The following SETDB2 variants were observed in gnomAD, a reference collection of about 807,000 sequenced individuals.
The protein encoded by SETDB2 is histone-lysine N-methyltransferase SETDB2.
SETDB2 carries 56 observed loss-of-function variants against 82.5 expected under a neutral mutation model. That is an observed-to-expected ratio of 0.68 (90% CI 0.55 to 0.85). The LOEUF (loss-of-function observed/expected upper bound fraction) is 0.85, where lower values mean the gene tolerates loss of function less well. Ranked by LOEUF, SETDB2 falls within the 40% of genes least tolerant of loss-of-function variation. SETDB2 has a pLI of 0.00. For synonymous variants in SETDB2, 272 were observed against 284.9 expected (o/e 0.95, Z 0.46); for missense variants, 677 against 816.4 (o/e 0.83, Z 2.08).
chr13:49,487,256 A>T (rs1397107439), intron 11 of SETDB2, among the ~76,000 whole-genome samples: 1 of 152,192 alleles, frequency 6.6e-6, no homozygotes, highest in Non-Finnish European at 1.5e-5. Flanking sequence ...GCGCCATTGA[A>T]TTAGGTGGTC....
chr13:49,477,119 T>A, intron 6 of SETDB2, 80 bp downstream of exon 6: 1 of 1,293,442 alleles, frequency 7.7e-7, no homozygotes, highest in Non-Finnish European at 1.0e-6. Context: ...ATGTATTAAT[T>A]TGTCTATCTA....
At position 49,476,961 on chromosome 13, in the gene SETDB2, G is replaced by A. The variant is rs1200574817; in HGVS notation, c.791G>A (p.Trp264Ter). The change falls in exon 6 of 14, where the codon TGG becomes TAG. Residue 264 changes from tryptophan to a stop codon, truncating the protein, a stop_gained. Transcript: ENST00000611815. LOFTEE classifies it high-confidence loss of function. Reference sequence around the variant, plus strand: ...CAGTTTAAGTACAGAAAGACTGTGTGGCCTCGAGCATATAATCTAACCAAC... The same window carrying A: ...CAGTTTAAGTACAGAAAGACTGTGTAGCCTCGAGCATATAATCTAACCAAC... ...LPQFKYRKTV[W>*]PRAYNLTNFS... 1 of 1,613,898 alleles carries A rather than the reference G, an allele frequency of 6.2e-7. No individual in the cohort carries two copies.
At chr13:49,450,461 A>T in intron 1 of SETDB2, among the ~76,000 whole-genome samples, 1 of 152,112 alleles carries the variant, frequency 6.6e-6, no homozygotes, top group East Asian at 1.9e-4. Flanking sequence ...TATTTCATGG[A>T]TGAGATTTCC....
chr13:49,490,938 T>C, intron 13 of SETDB2, 28 bp downstream of exon 13: 2 of 1,558,292 alleles, frequency 1.3e-6, no homozygotes, highest in East Asian at 4.5e-5. Context: ...CTTACTTAAT[T>C]CTGAAATTGT....
chr13:49,466,253 A>T (rs927046709), intron 4 of SETDB2, among the ~76,000 whole-genome samples: 2 of 152,116 alleles, frequency 1.3e-5, no homozygotes, highest in African/African-American at 4.8e-5. Flanking sequence ...GGCTTGAGGT[A>T]GAGATTCTAC....
chr13:49,481,752 T>A (rs1264051442), intron 8 of SETDB2, among the ~76,000 whole-genome samples: 1 of 152,152 alleles, frequency 6.6e-6, no homozygotes, highest in Non-Finnish European at 1.5e-5. Context: ...TCAGGCAAAA[T>A]CCCTTATTTT....
chr13:49,453,711 G>A (rs1957825757), intron 2 of SETDB2, among the ~76,000 whole-genome samples: 1 of 152,028 alleles, frequency 6.6e-6, no homozygotes, highest in African/African-American at 2.4e-5. Flanking sequence ...GATTGCTCTC[G>A]TATATTTCTT....
At chr13:49,467,023 A>G (rs1958129531) in intron 4 of SETDB2, among the ~76,000 whole-genome samples, 1 of 152,128 alleles carries the variant, frequency 6.6e-6, no homozygotes, top group Non-Finnish European at 1.5e-5. Context: ...TCAGTTAGCC[A>G]AGGAGCAACC....
intron 5 of SETDB2, among the ~76,000 whole-genome samples, chr13:49,474,302 C>G (rs911090743): frequency 6.6e-6 from 1 of 152,112 alleles, no homozygotes; most frequent in Non-Finnish European, 1.5e-5. Context: ...ATAGTATATC[C>G]TTTTACCTGT....
chr13:49,489,916 C>CT (rs1958676115), intron 12 of SETDB2, among the ~76,000 whole-genome samples: 1 of 49,002 alleles, frequency 2.0e-5, no homozygotes, highest in African/African-American at 4.8e-5. Flanking sequence ...CGCCCCCCCC[C>CT]CCTTTTTTTT....
At chr13:49,452,215 G>A (rs1201742576) in intron 2 of SETDB2, among the ~76,000 whole-genome samples, 2 of 151,686 alleles carry the variant, frequency 1.3e-5, no homozygotes, top group African/African-American at 4.8e-5. Context: ...GGGATCAAGC[G>A]ATTCTCCTGC....
At chr13:49,487,970 A>T (rs1213309126) in intron 11 of SETDB2, among the ~76,000 whole-genome samples, 3 of 152,222 alleles carry the variant, frequency 2.0e-5, no homozygotes, top group Non-Finnish European at 2.9e-5. Context: ...AAGTCAGTTT[A>T]TTATGAGTAG....
chr13:49,490,373 C>A (rs1958688280), intron 12 of SETDB2, among the ~76,000 whole-genome samples: 1 of 150,868 alleles, frequency 6.6e-6, no homozygotes, highest in African/African-American at 2.4e-5. Flanking sequence ...TTGTTTATAG[C>A]TGCATAGAAT....
intron 5 of SETDB2, 56 bp from the exon 6 acceptor site, chr13:49,476,420 A>G (rs527694809): frequency 8.5e-7 from 1 of 1,174,028 alleles, no homozygotes. Flanking sequence ...TAGTTTTTTT[A>G]AAATGAGGAA....
chr13:49,474,876 G>T (rs977781749), intron 5 of SETDB2, among the ~76,000 whole-genome samples: 7 of 152,230 alleles, frequency 4.6e-5, no homozygotes, highest in Non-Finnish European at 1.0e-4. Context: ...GGTCGTGCTA[G>T]CTACATTTAA....
intron 11 of SETDB2, 99 bp from the exon 12 acceptor site, chr13:49,488,187 GGATC>G: frequency 1.4e-6 from 2 of 1,453,312 alleles, no homozygotes; most frequent in Non-Finnish European, 1.8e-6. Context: ...CACATTGTAA[GGATC>G]GATAATTAAA....
At position 49,476,665 on chromosome 13, in the gene SETDB2, T is replaced by C; in HGVS notation, c.495T>C (p.His165=). 1.2e-6 allele frequency: 2 copies of C among 1,614,188 alleles called. No individual in the cohort carries two copies. The highest frequency in any genetic ancestry group is 1.7e-6 in the Non-Finnish European group (2 of 1,180,034). ...LPIKCHFQRR[H]AKTNSHSSAL... ...TCAAATGTCACTTCCAAAGACGACA[T>C]GCAAAGACAAACTCTCATTCTTCAG... The change falls in exon 6 of 14, where the codon CAT becomes CAC. Residue 165 remains histidine, a synonymous_variant. Transcript: ENST00000611815.
intron 12 of SETDB2, among the ~76,000 whole-genome samples, chr13:49,489,534 G>T (rs1958660699): frequency 6.9e-6 from 1 of 144,586 alleles, no homozygotes; most frequent in Non-Finnish European, 1.5e-5. Context: ...ACCTTGAGAA[G>T]TACTGTGCTC....
intron 4 of SETDB2, among the ~76,000 whole-genome samples, chr13:49,461,502 A>T (rs1957991704): frequency 6.6e-6 from 1 of 152,226 alleles, no homozygotes; most frequent in Admixed American, 6.5e-5. Flanking sequence ...CTTGAAAGAT[A>T]TATTCTTGTA....
Sources: allele counts gnomAD v4.1 joint callset (sites outside exome capture counted in the v4.1 genomes callset), GRCh38; gene constraint gnomAD v4.1.1; transcripts MANE v1.5; gene names NCBI Gene and HGNC (gene_info 2026-07-23, HGNC 2026-07-21).